Variants in ATP6V1C2 observed in about 807,000 individuals in gnomAD.
The protein encoded by ATP6V1C2 is ATPase H+ transporting V1 subunit C2, also known as V-type proton ATPase subunit C 2.
A neutral mutation model predicts 56.8 loss-of-function variants in ATP6V1C2; 45 were observed. The observed-to-expected ratio is 0.79, with a 90% confidence interval of 0.62 to 1.02. ATP6V1C2 has a LOEUF of 1.02. Ranked by LOEUF, ATP6V1C2 falls within the 50% of genes least tolerant of loss-of-function variation. The probability of loss-of-function intolerance (pLI) is 0.00; values close to 1 mark genes in which losing one functional copy is unlikely to be tolerated. For missense variants in ATP6V1C2, 463 were observed against 519.7 expected, an observed-to-expected ratio of 0.89 and a Z score of 1.06; for synonymous variants, 220 against 201.3, an observed-to-expected ratio of 1.09 and a Z score of -0.79.
chr2:10,752,935 G>A (rs1259800256), intron 3 of ATP6V1C2, among the ~76,000 whole-genome samples: 3 of 152,194 alleles, frequency 2.0e-5, no homozygotes. Context: ...GGCGGAGGTT[G>A]CAGTGAGTCG....
chr2:10,774,199 CTGCCAGCA>C (rs1165191245), intron 8 of ATP6V1C2, among the ~76,000 whole-genome samples: 1 of 152,202 alleles, frequency 6.6e-6, no homozygotes, highest in Non-Finnish European at 1.5e-5. Flanking sequence ...AAGGGTGACC[CTGCCAGCA>C]TGCCAGCATG....
intron 4 of ATP6V1C2, among the ~76,000 whole-genome samples, chr2:10,756,766 T>C (rs79355948): frequency 4.6e-5 from 7 of 152,170 alleles, no homozygotes; most frequent in Non-Finnish European, 8.8e-5. Context: ...ATACTTACCA[T>C]GTGCTACAGT....
Position 10,736,464 on chromosome 2 carries a change from A to G in ATP6V1C2, c.197+9895A>G, listed in dbSNP as rs138848093. 3.9e-3 allele frequency among the ~76,000 whole-genome samples: 596 copies of G among 152,274 alleles called. 5 individuals are homozygous for G. Among genetic ancestry groups the G allele is most frequent in the African/African-American group, 0.014 (585 of 41,568 alleles). ...TAGAGTCTACCTATATATTGTATCT[A>G]TGCATCCCCCATTTTTTAGTATTTG... On this transcript the variant is annotated intron_variant, in intron 3 of 13. Transcript: ENST00000272238.
chr2:10,778,192 C>T (rs761988945), intron 11 of ATP6V1C2, among the ~76,000 whole-genome samples: 3 of 152,218 alleles, frequency 2.0e-5, no homozygotes, highest in East Asian at 1.9e-4. Context: ...TGAGGGGAGG[C>T]GGCTGCTGTG....
intron 3 of ATP6V1C2, among the ~76,000 whole-genome samples, chr2:10,748,433 AT>A (rs375768140): frequency 0.028 from 4,250 of 149,478 alleles, 204 homozygotes; most frequent in African/African-American, 0.098. Context: ...ATCTGCTTAA[AT>A]TTTTTTTTTT....
chr2:10,739,293 TA>T (rs537070134), intron 3 of ATP6V1C2, among the ~76,000 whole-genome samples: 87 of 151,892 alleles, frequency 5.7e-4, no homozygotes, highest in African/African-American at 1.8e-3. Flanking sequence ...CAAAAATAAA[TA>T]AATAAATAAA....
chr2:10,739,264 T>C (rs1572521721), intron 3 of ATP6V1C2, among the ~76,000 whole-genome samples: 1 of 151,696 alleles, frequency 6.6e-6, no homozygotes, highest in Non-Finnish European at 1.5e-5. Flanking sequence ...GCCTGGGCAA[T>C]AAGAGCAAAA....
chr2:10,729,485 A>G (rs948850553), intron 3 of ATP6V1C2, among the ~76,000 whole-genome samples: 3 of 152,188 alleles, frequency 2.0e-5, no homozygotes, highest in Non-Finnish European at 4.4e-5. Context: ...AAATATAACT[A>G]TTATTATATT....
Position 10,722,964 on chromosome 2 carries a change from A to C in ATP6V1C2, c.115A>C (p.Ile39Leu). 1 of 1,614,026 alleles carries C rather than the reference A, an allele frequency of 6.2e-7. No homozygotes were observed. Among genetic ancestry groups the C allele is most frequent in the Admixed American group, 1.7e-5 (1 of 59,968 alleles). The change falls in exon 2 of 14, where the codon ATT becomes CTT. Residue 39 changes from isoleucine to leucine, a missense_variant. Physicochemically the swap from Ile to Leu is conservative, Grantham distance 5. Coordinates refer to ENST00000272238, the MANE Select transcript of ATP6V1C2 (RefSeq NM_001039362.2). ...SNLSYNTKFA[I>L]PDFKVGTLDS... ...CCTGTCTTATAATACCAAATTCGCT[A>C]TTCCTGACTTCAAGGTAAAATTCTT...
At chr2:10,760,995 G>A (rs1054106618) in intron 4 of ATP6V1C2, among the ~76,000 whole-genome samples, 5 of 152,192 alleles carry the variant, frequency 3.3e-5, no homozygotes, top group South Asian at 2.1e-4. Flanking sequence ...AGGGTACTGC[G>A]ACAGGCTCTG....
At chr2:10,768,451 G>A (rs944463948) in intron 5 of ATP6V1C2, among the ~76,000 whole-genome samples, 1 of 152,206 alleles carries the variant, frequency 6.6e-6, no homozygotes, top group African/African-American at 2.4e-5. Context: ...TGTGGGCGTG[G>A]GATGTCCCGA....
intron 3 of ATP6V1C2, among the ~76,000 whole-genome samples, chr2:10,746,934 T>C (rs1013789599): frequency 2.0e-5 from 3 of 152,234 alleles, no homozygotes; most frequent in Admixed American, 1.3e-4. Context: ...ATGCTTTATT[T>C]TGAACCAATT....
At chr2:10,765,969 G>A (rs991519334) in intron 5 of ATP6V1C2, among the ~76,000 whole-genome samples, 9 of 152,230 alleles carry the variant, frequency 5.9e-5, no homozygotes, top group African/African-American at 4.8e-5. Flanking sequence ...AGATGTGCCC[G>A]AGACTGTGCT....
At chr2:10,733,664 T>A (rs1558388898) in intron 3 of ATP6V1C2, among the ~76,000 whole-genome samples, 2 of 151,494 alleles carry the variant, frequency 1.3e-5, no homozygotes, top group South Asian at 2.1e-4. Flanking sequence ...CTCCCTGTTT[T>A]AAAAAAAAAG....
intron 1 of ATP6V1C2, 120 bp downstream of exon 1, chr2:10,721,851 G>A (rs1251922532): frequency 6.6e-6 from 1 of 152,346 alleles, no homozygotes; most frequent in Non-Finnish European, 1.5e-5. Context: ...GTGCACCTCC[G>A]CGCGCTTCCC....
At chr2:10,752,651 C>T (rs569116995) in intron 3 of ATP6V1C2, among the ~76,000 whole-genome samples, 4 of 152,166 alleles carry the variant, frequency 2.6e-5, no homozygotes, top group African/African-American at 7.2e-5. Context: ...AAATGAGTAT[C>T]ATCCACATTT....
intron 5 of ATP6V1C2, chr2:10,767,931 A>G (rs1664335956): frequency 6.6e-6 from 1 of 152,110 alleles, no homozygotes; most frequent in Non-Finnish European, 1.5e-5. Context: ...AAAAGTTGAC[A>G]ATGGATTCTT....
In ATP6V1C2 at chr2:10,754,079, G is replaced by T; in HGVS notation, c.283+13G>T. ...CTGGCAAACGGAGGTAGGTAGGGCG[G>T]CCCTCTGATGTGGAGCACAATCTCC... is the stretch of plus-strand genomic sequence containing the variant. On this transcript the variant is annotated intron_variant, in intron 4 of 13. Coordinates refer to ENST00000272238, the MANE Select transcript of ATP6V1C2 (RefSeq NM_001039362.2). 6.3e-7 allele frequency: 1 copy of T among 1,585,692 alleles called. No individual in the cohort carries two copies. The highest frequency in any genetic ancestry group is 8.6e-7 in the Non-Finnish European group (1 of 1,163,786).
At chr2:10,726,611 C>A in intron 3 of ATP6V1C2, 42 bp downstream of exon 3, 1 of 1,536,234 alleles carries the variant, frequency 6.5e-7, no homozygotes, top group Non-Finnish European at 9.0e-7. Flanking sequence ...GAGAATTTGA[C>A]ATTGTTGTCA....
Sources: gnomAD v4.1 joint callset for allele counts (sites outside exome capture counted in the v4.1 genomes callset) on GRCh38, gnomAD v4.1.1 for gene constraint, MANE v1.5 for transcripts, NCBI Gene and HGNC (gene_info 2026-07-23, HGNC 2026-07-21) for gene names.